The following EPHA3 variants were observed in gnomAD, a reference collection of about 807,000 sequenced individuals.
The protein encoded by EPHA3 is EPH receptor A3.
Under a neutral mutation model 107.1 loss-of-function variants are expected in EPHA3, and 42 were observed. That is an observed-to-expected ratio of 0.39 (90% confidence interval 0.31 to 0.51). EPHA3 has a LOEUF of 0.51. Ranked by LOEUF, EPHA3 falls within the 20% of genes least tolerant of loss-of-function variation. EPHA3 has a pLI of 0.78. For missense variants in EPHA3, 1,183 were observed against 1,211.2 expected, an observed-to-expected ratio of 0.98 and a Z score of 0.35; for synonymous variants, 461 against 424.8, an observed-to-expected ratio of 1.09 and a Z score of -1.05.
intron 1 of EPHA3, among the ~76,000 whole-genome samples, chr3:89,116,719 TAAAAAA>T (rs140739470): frequency 1.8e-4 from 24 of 132,534 alleles, no homozygotes; most frequent in Non-Finnish European, 1.6e-4. Context: ...ACTGTAACAT[TAAAAAA>T]AAAAAAAAAA....
intron 5 of EPHA3, among the ~76,000 whole-genome samples, chr3:89,393,673 A>C (rs1442688872): frequency 6.6e-6 from 1 of 152,196 alleles, no homozygotes; most frequent in Admixed American, 6.5e-5. Flanking sequence ...AGATTTCCTC[A>C]TTGTAGAAAA....
chr3:89,181,746 G>A (rs1019683317), intron 2 of EPHA3, among the ~76,000 whole-genome samples: 2 of 151,926 alleles, frequency 1.3e-5, no homozygotes, highest in African/African-American at 4.8e-5. Context: ...TTAAGATTGT[G>A]GCAGCAGATC....
At chr3:89,174,047 C>T (rs1705265015) in intron 2 of EPHA3, among the ~76,000 whole-genome samples, 1 of 151,830 alleles carries the variant, frequency 6.6e-6, no homozygotes, top group East Asian at 1.9e-4. Context: ...AATTACTCGG[C>T]TTTTACAGAG....
intron 3 of EPHA3, among the ~76,000 whole-genome samples, chr3:89,236,270 A>G (rs1013516863): frequency 2.0e-5 from 3 of 151,968 alleles, no homozygotes; most frequent in African/African-American, 7.2e-5. Flanking sequence ...AGCAAGGTAT[A>G]TTTTCATAAA....
intron 10 of EPHA3, among the ~76,000 whole-genome samples, chr3:89,415,811 T>C (rs1455304066): frequency 6.6e-6 from 1 of 151,442 alleles, no homozygotes; most frequent in African/African-American, 2.4e-5. Flanking sequence ...CCTTTTTAGA[T>C]AGGTATTATT....
At chr3:89,216,148 T>C (rs1209575778) in intron 3 of EPHA3, among the ~76,000 whole-genome samples, 1 of 151,976 alleles carries the variant, frequency 6.6e-6, no homozygotes, top group East Asian at 1.9e-4. Flanking sequence ...AGCAGTTTAT[T>C]TGTTTGAGAG....
At chr3:89,179,714 T>C (rs1705397897) in intron 2 of EPHA3, among the ~76,000 whole-genome samples, 1 of 151,834 alleles carries the variant, frequency 6.6e-6, no homozygotes, top group South Asian at 2.1e-4. Flanking sequence ...ATGAAATCCT[T>C]GTCTAGCTCC....
intron 3 of EPHA3, among the ~76,000 whole-genome samples, chr3:89,252,566 C>CA: frequency 6.6e-6 from 1 of 151,942 alleles, no homozygotes; most frequent in South Asian, 2.1e-4. Flanking sequence ...TCCATCTCTA[C>CA]AAAAATTTAA....
chr3:89,158,025 G>A (rs1301645204), intron 2 of EPHA3, among the ~76,000 whole-genome samples: 2 of 151,968 alleles, frequency 1.3e-5, no homozygotes, highest in Non-Finnish European at 2.9e-5. Context: ...ACCATTGCTT[G>A]TTTGTGTTTT....
intron 1 of EPHA3, among the ~76,000 whole-genome samples, chr3:89,112,671 A>G (rs1395478979): frequency 6.6e-6 from 1 of 151,938 alleles, no homozygotes; most frequent in African/African-American, 2.4e-5. Flanking sequence ...CTTGAAAGTT[A>G]CATTTTCCAA....
rs1168405597 is a variant in EPHA3, at chr3:89,210,252, A to G, written c.546A>G (p.Ala182=). ...GPVNKKGFYL[A]FQDVGACVAL... ...TCAACAAGAAGGGATTTTATTTGGCATTTCAAGATGTTGGTGCTTGTGTTG... is the reference window on the plus strand; with the variant it reads ...TCAACAAGAAGGGATTTTATTTGGCGTTTCAAGATGTTGGTGCTTGTGTTG... The change falls in exon 3 of 17, where the codon GCA becomes GCG. Residue 182 remains alanine, a synonymous_variant. Coordinates refer to ENST00000336596, the MANE Select transcript of EPHA3 (RefSeq NM_005233.6). 2 of 1,613,908 alleles carry G rather than the reference A, an allele frequency of 1.2e-6. No homozygotes were observed. Among genetic ancestry groups the G allele is most frequent in the Admixed American group, 1.7e-5 (1 of 59,982 alleles).
At chr3:89,169,962 G>C (rs1225022883) in intron 2 of EPHA3, among the ~76,000 whole-genome samples, 1 of 152,212 alleles carries the variant, frequency 6.6e-6, no homozygotes, top group East Asian at 1.9e-4. Context: ...TGAGATTATA[G>C]CCTCGGCGGG....
At chr3:89,190,975 C>T (rs1336790062) in intron 2 of EPHA3, among the ~76,000 whole-genome samples, 3 of 152,116 alleles carry the variant, frequency 2.0e-5, no homozygotes, top group Non-Finnish European at 4.4e-5. Flanking sequence ...AGGGTTAGAA[C>T]TTCAAAGTAT....
intron 2 of EPHA3, among the ~76,000 whole-genome samples, chr3:89,191,791 ATAATT>A (rs1705722530): frequency 6.6e-6 from 1 of 152,146 alleles, no homozygotes; most frequent in Admixed American, 6.6e-5. Context: ...GTTAGGAAAA[ATAATT>A]TAAAGTACTA....
In EPHA3 at chr3:89,399,398, A is replaced by G; in HGVS notation, c.1512A>G (p.Ile504Met). ...VTISSLKPDTIYVFQIRARTA... is the reference protein window; with the variant it reads ...VTISSLKPDTMYVFQIRARTA... ...TCAGTAGCCTCAAGCCTGACACTAT[A>G]TACGTATTCCAAATCCGAGCCCGAA... is the stretch of plus-strand genomic sequence containing the variant. Residue 504 changes from isoleucine (I) to methionine (M), a missense_variant, in exon 7 of 17, where the codon ATA (isoleucine) becomes ATG (methionine). Ile to Met is a conservative substitution (Grantham distance 10). Coordinates refer to ENST00000336596, the MANE Select transcript of EPHA3 (RefSeq NM_005233.6). The G allele has an allele frequency of 6.2e-7, 1 of 1,614,140 alleles. No individual in the cohort carries two copies. The highest frequency in any genetic ancestry group is 8.5e-7 in the Non-Finnish European group (1 of 1,180,022).
rs187985697 is a variant in EPHA3 at position 89,180,727 on chromosome 3, G to T, written c.154-29133G>T. The stretch of plus-strand genomic sequence containing the variant: ...GCTTTGTCATTTATTTTTCTCTGTC[G>T]TTATTTTTTAAGGAAAAAAATAGAC... On this transcript the variant is annotated intron_variant, in intron 2 of 16. Coordinates refer to ENST00000336596, the MANE Select transcript of EPHA3 (RefSeq NM_005233.6). Among the ~76,000 whole-genome samples, 211 of 151,824 alleles carry T rather than the reference G, an allele frequency of 1.4e-3. 3 individuals carry two copies. Among genetic ancestry groups the T allele is most frequent in the Non-Finnish European group, 2.9e-4 (20 of 67,822 alleles).
chr3:89,322,231 G>A (rs1219529101), intron 3 of EPHA3, among the ~76,000 whole-genome samples: 1 of 151,946 alleles, frequency 6.6e-6, no homozygotes, highest in African/African-American at 2.4e-5. Context: ...TGAGTCTTTG[G>A]AAATAATGCT....
chr3:89,194,135 A>G (rs11921042), intron 2 of EPHA3, among the ~76,000 whole-genome samples: 21,945 of 151,986 alleles, frequency 0.14, 1,754 homozygotes, highest in African/African-American at 0.22. Context: ...TCTTCCAGAA[A>G]TGTAACTTTT....
At position 89,210,147 on chromosome 3, in the gene EPHA3, A is replaced by G; in HGVS notation, c.441A>G (p.Ala147=). 1 of 1,614,016 alleles carries G rather than the reference A, an allele frequency of 6.2e-7. No individual in the cohort carries two copies. The highest frequency in any genetic ancestry group is 1.1e-5 in the South Asian group (1 of 91,080). The part of the protein sequence containing the change: ...EHQFTKIDTI[A]ADESFTQMDL... ...AGTTTACAAAGATTGACACCATTGCAGCTGATGAAAGTTTCACTCAAATGG... is the reference window on the plus strand; with the variant it reads ...AGTTTACAAAGATTGACACCATTGCGGCTGATGAAAGTTTCACTCAAATGG... The change falls in exon 3 of 17, where the codon GCA becomes GCG. Residue 147 remains alanine (A), a synonymous_variant. Coordinates refer to ENST00000336596, the MANE Select transcript of EPHA3 (RefSeq NM_005233.6).
Sources: gnomAD v4.1 joint callset for allele counts (sites outside exome capture counted in the v4.1 genomes callset) on GRCh38, gnomAD v4.1.1 for gene constraint, MANE v1.5 for transcripts, NCBI Gene and HGNC (gene_info 2026-07-23, HGNC 2026-07-21) for gene names.